Variants in SARDH observed in about 807,000 individuals in gnomAD.
The protein encoded by SARDH is sarcosine dehydrogenase, mitochondrial.
SARDH carries 95 observed loss-of-function variants against 109.1 expected under a neutral mutation model. The ratio of observed to expected loss-of-function variants is 0.87; its 90% CI spans 0.74 to 1.03. SARDH has a LOEUF of 1.03. Ranked by LOEUF, SARDH falls within the 50% of genes least tolerant of loss-of-function variation. The pLI is 0.00. For synonymous variants in SARDH, 572 were observed against 534.8 expected (o/e 1.07, Z -0.96); for missense variants, 1,267 against 1,287.8 (o/e 0.98, Z 0.25).
intron 17 of SARDH, among the ~76,000 whole-genome samples, chr9:133,672,154 G>T (rs572317445): frequency 6.6e-6 from 1 of 152,122 alleles, no homozygotes; most frequent in South Asian, 2.1e-4. Flanking sequence ...CACCTCCCGA[G>T]CACCTCCCGG....
Position 133,718,615 on chromosome 9 carries a change from G to A in SARDH, c.1020+323C>T. On this transcript the variant is annotated intron_variant, in intron 7 of 20. Coordinates refer to ENST00000439388, the MANE Select transcript of SARDH (RefSeq NM_001134707.2). The surrounding 1 kb of genome is among the most constrained non-coding windows in gnomAD (Gnocchi z 4.2). Reference sequence around the variant, plus strand: ...GAAATGCCGCTGCAGCAGCTGGTTGGGAGGGCAGTGTCATTTGCTGAAGGA... The same window carrying A: ...GAAATGCCGCTGCAGCAGCTGGTTGAGAGGGCAGTGTCATTTGCTGAAGGA... 3 of 772,304 alleles carry A rather than the reference G, an allele frequency of 3.9e-6. No individual in the cohort carries two copies. In the South Asian group the frequency reaches 4.0e-5, roughly 10 times the overall value. 47.8% of individuals were successfully genotyped at this position (772,304 alleles called of 1,614,324 possible). A position where few individuals can be genotyped will look rare whatever the true frequency, so the allele number is the denominator to read the frequency against.
chr9:133,714,067 C>A (rs1269498187), intron 8 of SARDH, among the ~76,000 whole-genome samples: 3 of 152,236 alleles, frequency 2.0e-5, no homozygotes, highest in Non-Finnish European at 4.4e-5. Flanking sequence ...GGCACCCCAG[C>A]ACCACACCAT....
Position 133,692,426 on chromosome 9 carries a change from C to T in SARDH, c.1921+1832G>A, listed in dbSNP as rs1831131501. 6.6e-6 allele frequency among the ~76,000 whole-genome samples: 1 copy of T among 152,130 alleles called. No homozygotes were observed. Among genetic ancestry groups the T allele is most frequent in the Admixed American group, 6.5e-5 (1 of 15,286 alleles). On this transcript the variant is annotated intron_variant, in intron 15 of 20. Coordinates refer to ENST00000439388, the MANE Select transcript of SARDH (RefSeq NM_001134707.2). This position sits in a 1 kb window ranked among gnomAD's most constrained non-coding sequence, Gnocchi z 5.0. ...TCTCAGCTCAGAGATGCCATTTCAG[C>T]TGAATGACCCAGAGACGACCAGCGA...
At chr9:133,660,343 C>T (rs544933061), downstream of SARDH, among the ~76,000 whole-genome samples, 7 of 152,200 alleles carry the variant, frequency 4.6e-5, no homozygotes, top group Non-Finnish European at 7.4e-5. Context: ...CAGAGTAAGC[C>T]GGGGAGCTCG....
At chr9:133,684,056 C>T (rs540497145) in intron 17 of SARDH, among the ~76,000 whole-genome samples, 1 of 152,352 alleles carries the variant, frequency 6.6e-6, no homozygotes, top group South Asian at 2.1e-4. Flanking sequence ...CCAGCATGAG[C>T]GCTGGAGGGC....
chr9:133,694,985 TG>T (rs1831232190), intron 14 of SARDH, among the ~76,000 whole-genome samples: 1 of 152,064 alleles, frequency 6.6e-6, no homozygotes, highest in African/African-American at 2.4e-5. Flanking sequence ...GTGGGTTTGT[TG>T]GTTGGCTGGC....
In SARDH at chr9:133,732,402, C is replaced by A. The variant is rs1490048744; in HGVS notation, c.510+21G>T. 2.8e-6 allele frequency: 4 copies of A among 1,408,730 alleles called. No individual in the cohort carries two copies. The Admixed American group carries it at 5.4e-5, about 19-fold the overall frequency. 87.3% of individuals were successfully genotyped at this position (1,408,730 alleles called of 1,614,324 possible). ...CACCCACCCAAGCCCCCCTCCTTGCCCCCCGCAGGGGAGCACACACCGACA... is the reference window on the plus strand; with the variant it reads ...CACCCACCCAAGCCCCCCTCCTTGCACCCCGCAGGGGAGCACACACCGACA... On this transcript the variant is annotated intron_variant, in intron 3 of 20. Transcript: ENST00000439388.
intron 13 of SARDH, among the ~76,000 whole-genome samples, chr9:133,701,750 C>G: frequency 6.6e-6 from 1 of 152,224 alleles, no homozygotes; most frequent in East Asian, 1.9e-4. Context: ...CCTCCTCCTT[C>G]CTGCAGGAGC....
chr9:133,676,020 G>C (rs1026959549), intron 17 of SARDH, among the ~76,000 whole-genome samples: 3 of 152,084 alleles, frequency 2.0e-5, no homozygotes, highest in African/African-American at 4.8e-5. Context: ...CTTGAGACCA[G>C]GAGGTTGAGG....
At chr9:133,682,424 T>C in intron 17 of SARDH, among the ~76,000 whole-genome samples, 1 of 152,162 alleles carries the variant, frequency 6.6e-6, no homozygotes, top group Middle Eastern at 3.2e-3. Flanking sequence ...TTCTCTGGGA[T>C]GGGATTAGAG....
At position 133,686,003 on chromosome 9, in the gene SARDH, G is replaced by A. The variant is rs563157319; in HGVS notation, c.2070-717C>T. On this transcript the variant is annotated intron_variant, in intron 16 of 20. Coordinates refer to ENST00000439388, the MANE Select transcript of SARDH (RefSeq NM_001134707.2). The surrounding 1 kb of genome is among the most constrained non-coding windows in gnomAD (Gnocchi z 4.0). ...GAGCTGGGCTTAGCACCCAGCAGGT[G>A]CTAAGAGCCATTTCAACCTCCTAGG... 2.6e-5 allele frequency among the ~76,000 whole-genome samples: 4 copies of A among 152,128 alleles called. No individual in the cohort carries two copies. The highest frequency in any genetic ancestry group is 7.2e-5 in the African/African-American group (3 of 41,418).
At chr9:133,677,449 T>A (rs1830556633) in intron 17 of SARDH, among the ~76,000 whole-genome samples, 1 of 151,578 alleles carries the variant, frequency 6.6e-6, no homozygotes, top group Admixed American at 6.6e-5. Context: ...CCTGGCCAGG[T>A]GGGGGTCAAG....
At chr9:133,734,475 A>G (rs1832815248) in intron 1 of SARDH, among the ~76,000 whole-genome samples, 1 of 151,886 alleles carries the variant, frequency 6.6e-6, no homozygotes, top group Admixed American at 6.5e-5. Flanking sequence ...TCATTCATTC[A>G]TTCATTCTGT....
Position 133,704,993 on chromosome 9 carries a change from A to T in SARDH, c.1509T>A (p.His503Gln), listed in dbSNP as rs1177539379. 6.3e-7 allele frequency: 1 copy of T among 1,591,032 alleles called. No individual in the cohort carries two copies. The highest frequency in any genetic ancestry group is 2.3e-5 in the East Asian group (1 of 44,102). ...LGQGCVFQERHGWERPGWFHP... is the reference protein window; with the variant it reads ...LGQGCVFQERQGWERPGWFHP... The stretch of plus-strand genomic sequence containing the variant: ...GAAACCATCCCGGTCGCTCCCAGCC[A>T]TGCCGCTCCTGGAACACGCAGCCTT... Residue 503 changes from histidine to glutamine, a missense_variant, in exon 12 of 21, where the codon CAT (histidine) becomes CAA (glutamine). Coordinates refer to ENST00000439388, the MANE Select transcript of SARDH (RefSeq NM_001134707.2). This position sits in a 1 kb window ranked among gnomAD's most constrained non-coding sequence, Gnocchi z 4.5.
rs557430552 is a variant in SARDH at position 133,735,119 on chromosome 9, C to T, written c.-30-916G>A. ...AGGGTATCGGCAGGCAGCCTCGAGA[C>T]GGGGCACCCAACCCCCAAGCCTGGA... On this transcript the variant is annotated intron_variant, in intron 1 of 20. Transcript: ENST00000439388. Among the ~76,000 whole-genome samples, 5 of 152,298 alleles carry T rather than the reference C, an allele frequency of 3.3e-5. No homozygotes were observed. In the East Asian group the frequency reaches 5.8e-4, roughly 18 times the overall value.
At position 133,704,822 on chromosome 9, in the gene SARDH, G is replaced by T; in HGVS notation, c.1554+126C>A. The T allele has an allele frequency of 2.6e-6, 2 of 772,766 alleles. No individual in the cohort carries two copies. The highest frequency in any genetic ancestry group is 1.7e-5 in the South Asian group (1 of 60,014). 47.9% of individuals were successfully genotyped at this position (772,766 alleles called of 1,614,324 possible). On this transcript the variant is annotated intron_variant, in intron 12 of 20. Coordinates refer to ENST00000439388, the MANE Select transcript of SARDH (RefSeq NM_001134707.2). The surrounding 1 kb of genome is among the most constrained non-coding windows in gnomAD (Gnocchi z 4.5). Reference sequence around the variant, plus strand: ...TCGGCTTCCCGTGTGCAGAATAACTGATCACGACAGTGGAACCACCTGGGG... The same window carrying T: ...TCGGCTTCCCGTGTGCAGAATAACTTATCACGACAGTGGAACCACCTGGGG...
chr9:133,701,259 C>T (rs1204959747), intron 13 of SARDH, among the ~76,000 whole-genome samples: 1 of 152,270 alleles, frequency 6.6e-6, no homozygotes, highest in African/African-American at 2.4e-5. Context: ...AGCTTCCTCC[C>T]CTCTGCCCCA....
intron 2 of SARDH, 49 bp downstream of exon 2, chr9:133,733,794 C>G: frequency 7.2e-7 from 1 of 1,398,140 alleles, no homozygotes; most frequent in Non-Finnish European, 9.4e-7. Context: ...GCTGTGGCCC[C>G]TCGCTATGTC....
intron 15 of SARDH, among the ~76,000 whole-genome samples, chr9:133,691,959 T>C (rs1225677965): frequency 3.9e-5 from 6 of 151,960 alleles, no homozygotes; most frequent in Admixed American, 2.6e-4. Context: ...AGCCCTCAGC[T>C]CTAGGAATCC....
Sources: gnomAD v4.1 joint callset for allele counts (sites outside exome capture counted in the v4.1 genomes callset) on GRCh38, gnomAD v4.1.1 for gene constraint, Gnocchi (gnomAD v3.1) non-coding constraint, MANE v1.5 for transcripts, NCBI Gene and HGNC (gene_info 2026-07-23, HGNC 2026-07-21) for gene names.